The following ARIH1 variants were observed in gnomAD, a reference collection of about 807,000 sequenced individuals.
The protein encoded by ARIH1 is E3 ubiquitin-protein ligase ARIH1.
Under a neutral mutation model 85.0 loss-of-function variants are expected in ARIH1, and 8 were observed. The observed-to-expected ratio is 0.09, with a 90% confidence interval of 0.06 to 0.17. ARIH1 has a LOEUF of 0.17. Ranked by LOEUF, ARIH1 falls within the 10% of genes least tolerant of loss-of-function variation. ARIH1 has a pLI of 1.00. For missense variants in ARIH1, 311 were observed against 718.1 expected, an observed-to-expected ratio of 0.43 and a Z score of 6.48; for synonymous variants, 238 against 253.6, an observed-to-expected ratio of 0.94 and a Z score of 0.59.
intron 2 of ARIH1, among the ~76,000 whole-genome samples, chr15:72,529,292 G>T (rs1424512691): frequency 6.6e-6 from 1 of 152,168 alleles, no homozygotes; most frequent in Non-Finnish European, 1.5e-5. Flanking sequence ...ACCTAGACTG[G>T]AGTGCAGTGG....
intron 1 of ARIH1, among the ~76,000 whole-genome samples, chr15:72,514,349 T>C (rs2140408964): frequency 6.6e-6 from 1 of 152,328 alleles, no homozygotes; most frequent in South Asian, 2.1e-4. Flanking sequence ...TGTCATCTTC[T>C]TTCTGATAGT....
intron 3 of ARIH1, among the ~76,000 whole-genome samples, chr15:72,550,166 G>A (rs959065668): frequency 6.6e-6 from 1 of 151,986 alleles, no homozygotes; most frequent in African/African-American, 2.4e-5. Flanking sequence ...GTTTAATCTT[G>A]TTATCTGATT....
intron 1 of ARIH1, among the ~76,000 whole-genome samples, chr15:72,483,524 A>G (rs1352652765): frequency 1.3e-5 from 2 of 152,228 alleles, no homozygotes; most frequent in Admixed American, 6.5e-5. Context: ...TTTGGGGGCT[A>G]TCTTAGAGGC....
intron 3 of ARIH1, among the ~76,000 whole-genome samples, chr15:72,548,679 A>G (rs1321372150): frequency 6.6e-6 from 1 of 152,214 alleles, no homozygotes; most frequent in African/African-American, 2.4e-5. Flanking sequence ...TAACCTCTTC[A>G]GTTTTGGAAG....
intron 2 of ARIH1, among the ~76,000 whole-genome samples, chr15:72,521,244 C>G (rs1342604548): frequency 1.7e-5 from 2 of 121,098 alleles, no homozygotes; most frequent in African/African-American, 6.4e-5. Context: ...TTGCATACCA[C>G]TATTTTTTTT....
chr15:72,492,371 A>T (rs2063862961), intron 1 of ARIH1, among the ~76,000 whole-genome samples: 1 of 152,198 alleles, frequency 6.6e-6, no homozygotes, highest in Admixed American at 6.5e-5. Flanking sequence ...TAGATAACAA[A>T]TGCTTGCTTT....
intron 2 of ARIH1, among the ~76,000 whole-genome samples, chr15:72,531,908 A>G (rs1339447438): frequency 1.3e-5 from 2 of 152,184 alleles, no homozygotes; most frequent in African/African-American, 2.4e-5. Context: ...GAAGTTTCAA[A>G]TACTCATAAT....
chr15:72,563,193 G>A (rs532567664), intron 6 of ARIH1, among the ~76,000 whole-genome samples: 1 of 152,232 alleles, frequency 6.6e-6, no homozygotes, highest in Non-Finnish European at 1.5e-5. Flanking sequence ...CGGGACTACA[G>A]GCACATACCA....
At chr15:72,513,338 A>G (rs536747479) in intron 1 of ARIH1, among the ~76,000 whole-genome samples, 90 of 152,258 alleles carry the variant, frequency 5.9e-4, no homozygotes, top group Non-Finnish European at 1.1e-3. Flanking sequence ...AGGGAGTATA[A>G]TCTAACTCTT....
At chr15:72,536,523 T>C (rs1301440394) in intron 2 of ARIH1, among the ~76,000 whole-genome samples, 1 of 152,216 alleles carries the variant, frequency 6.6e-6, no homozygotes, top group African/African-American at 2.4e-5. Flanking sequence ...TCGTAAAAGC[T>C]GAATGGGGGG....
chr15:72,527,017 G>T (rs2140415590), intron 2 of ARIH1, among the ~76,000 whole-genome samples: 1 of 152,168 alleles, frequency 6.6e-6, no homozygotes, highest in East Asian at 1.9e-4. Context: ...TATCTGTCAA[G>T]TCTTCCATCT....
At chr15:72,569,711 A>G (rs1013878706) in intron 9 of ARIH1, among the ~76,000 whole-genome samples, 2 of 152,214 alleles carry the variant, frequency 1.3e-5, no homozygotes, top group African/African-American at 4.8e-5. Flanking sequence ...AGTATAGTAT[A>G]TTTATATGAA....
At chr15:72,563,596 C>A in intron 7 of ARIH1, 96 bp downstream of exon 7, 1 of 1,019,372 alleles carries the variant, frequency 9.8e-7, no homozygotes, top group Non-Finnish European at 1.5e-6. Flanking sequence ...AAAGTGTTTA[C>A]CTTAGGCAGG....
intron 5 of ARIH1, among the ~76,000 whole-genome samples, chr15:72,560,983 A>G (rs1439737127): frequency 6.6e-6 from 1 of 152,198 alleles, no homozygotes; most frequent in African/African-American, 2.4e-5. Flanking sequence ...TTAATTTCTA[A>G]GAGCTCTCAG....
intron 5 of ARIH1, among the ~76,000 whole-genome samples, chr15:72,559,163 C>T (rs573198776): frequency 6.6e-6 from 1 of 152,134 alleles, no homozygotes; most frequent in Non-Finnish European, 1.5e-5. Context: ...GGTTTCACAT[C>T]CCACAAATAA....
rs926512911 is a variant in ARIH1 at position 72,566,497 on chromosome 15, T to C, written c.912-66T>C. 36 of 1,284,510 alleles carry C rather than the reference T, an allele frequency of 2.8e-5. No homozygotes were observed. In the Admixed American group the frequency reaches 3.5e-4, roughly 13 times the overall value. The allele number at this position is 1,284,510 out of a possible 1,614,324, so 79.6% of individuals were successfully genotyped here. A position where few individuals can be genotyped will look rare whatever the true frequency, so the allele number is the denominator to read the frequency against. ...TGTGGAACTATAAGGCATGAAATGA[T>C]TGGCTTATTTACTTGCTTACAGTAG... is the stretch of plus-strand genomic sequence containing the variant. On this transcript the variant is annotated intron_variant, in intron 7 of 13. Coordinates refer to ENST00000379887, the MANE Select transcript of ARIH1 (RefSeq NM_005744.5).
chr15:72,526,263 A>G (rs922526234), intron 2 of ARIH1, among the ~76,000 whole-genome samples: 1 of 151,908 alleles, frequency 6.6e-6, no homozygotes, highest in Non-Finnish European at 1.5e-5. Flanking sequence ...TATTTTATTC[A>G]TTAGTAAGCC....
Position 72,596,316 on chromosome 15 carries a change from A to C in ARIH1, c.*13024A>C, listed in dbSNP as rs2064363554. On this transcript the variant is annotated 3_prime_UTR_variant, in exon 14 of 14. Coordinates refer to ENST00000379887, the MANE Select transcript of ARIH1 (RefSeq NM_005744.5). Reference sequence around the variant, plus strand: ...CAGGCCTCATTTGTTTCTGGTGAGAAGTCATTCATCATTTTAATTTTTATT... The same window carrying C: ...CAGGCCTCATTTGTTTCTGGTGAGACGTCATTCATCATTTTAATTTTTATT... 6.6e-6 allele frequency: 1 copy of C among 152,176 alleles called. No individual in the cohort carries two copies. The highest frequency in any genetic ancestry group is 2.4e-5 in the African/African-American group (1 of 41,440). 9.4% of individuals were successfully genotyped at this position (152,176 alleles called of 1,614,324 possible). A position where few individuals can be genotyped will look rare whatever the true frequency, so the allele number is the denominator to read the frequency against.
chr15:72,580,437 A>G lies in ARIH1; in HGVS notation c.1216-294A>G, dbSNP rs1252418704. ...GACATACTGATTTCAATTCCTTTTC[A>G]TATATACACAGTAGTGGGATTGCTG... On this transcript the variant is annotated intron_variant, in intron 11 of 13. Transcript: ENST00000379887. 1.1e-4 allele frequency: 34 copies of G among 321,096 alleles called. No homozygotes were observed. The East Asian group carries it at 2.1e-3, about 20-fold the overall frequency. 19.9% of individuals were successfully genotyped at this position (321,096 alleles called of 1,614,324 possible). A position where few individuals can be genotyped will look rare whatever the true frequency, so the allele number is the denominator to read the frequency against.
Sources: gnomAD v4.1 joint callset for allele counts (sites outside exome capture counted in the v4.1 genomes callset) on GRCh38, gnomAD v4.1.1 for gene constraint, MANE v1.5 for transcripts, NCBI Gene and HGNC (gene_info 2026-07-23, HGNC 2026-07-21) for gene names.